Variants in SOX11 observed in about 807,000 individuals in gnomAD.
SOX11 encodes the protein SRY-box transcription factor 11.
Under a neutral mutation model 16.7 loss-of-function variants are expected in SOX11, and 5 were observed. That is an observed-to-expected ratio of 0.30 (90% confidence interval 0.16 to 0.63). The LOEUF (loss-of-function observed/expected upper bound fraction) is 0.63, where lower values mean the gene tolerates loss of function less well. Among genes scored for constraint, SOX11 ranks in the 20% least tolerant of loss-of-function variants. The pLI is 0.82. For missense variants in SOX11, 492 were observed against 641.5 expected (o/e 0.77, Z 2.52); for synonymous variants, 363 against 298.8 (o/e 1.21, Z -2.22).
In SOX11 at chr2:5,695,743, G is replaced by A. The variant is rs578256456; in HGVS notation, c.*1696G>A. 3 of 167,384 alleles carry A rather than the reference G, an allele frequency of 1.8e-5. No homozygotes were observed. In the East Asian group the frequency reaches 5.8e-4, roughly 32 times the overall value. 10.4% of individuals were successfully genotyped at this position (167,384 alleles called of 1,614,324 possible). The stretch of plus-strand genomic sequence containing the variant: ...GTGCGCGGATGAGGGGAGGTGGCAG[G>A]AGAGAATTCTACATTTAGGGGGTTA... On this transcript the variant is annotated 3_prime_UTR_variant, in exon 1 of 1. Coordinates refer to ENST00000322002, the MANE Select transcript of SOX11 (RefSeq NM_003108.4).
rs114941072 is a variant in SOX11, at chr2:5,694,400, A to G, written c.*353A>G. On this transcript the variant is annotated 3_prime_UTR_variant, in exon 1 of 1. Coordinates refer to ENST00000322002, the MANE Select transcript of SOX11 (RefSeq NM_003108.4). Reference sequence around the variant, plus strand: ...TTTTCCCAAAAAATGTGTTTTTGTAATTACTATTTCTTTTTCCTGAAATTC... The same window carrying G: ...TTTTCCCAAAAAATGTGTTTTTGTAGTTACTATTTCTTTTTCCTGAAATTC... 6,823 of 184,976 alleles carry G rather than the reference A, an allele frequency of 0.037. 153 individuals are homozygous for G. The highest frequency in any genetic ancestry group is 0.045 in the Middle Eastern group (16 of 356). The allele number at this position is 184,976 out of a possible 1,614,324, so 11.5% of individuals were successfully genotyped here.
chr2:5,695,414 T>C lies in SOX11; in HGVS notation c.*1367T>C, dbSNP rs1462892645. ...AGATGGAAGGTTTGAAACTGGATTC[T>C]CGATTTTTAGCAAAAAAGAAAAAAA... On this transcript the variant is annotated 3_prime_UTR_variant, in exon 1 of 1. Transcript: ENST00000322002. The C allele has an allele frequency of 6.1e-6, 1 of 163,778 alleles. No homozygotes were observed. The highest frequency in any genetic ancestry group is 1.5e-5 in the Non-Finnish European group (1 of 67,706). The allele number at this position is 163,778 out of a possible 1,614,324, so 10.1% of individuals were successfully genotyped here.
rs1251597664 is a variant in SOX11 at position 5,693,151 on chromosome 2, G to C, written c.430G>C (p.Gly144Arg). 1 of 1,546,678 alleles carries C rather than the reference G, an allele frequency of 6.5e-7. No individual in the cohort carries two copies. The change falls in exon 1 of 1, where the codon GGC (glycine) becomes CGC (arginine). Residue 144 changes from glycine to arginine, a missense_variant. By Grantham distance (125) the Gly-to-Arg change is moderately radical. Coordinates refer to ENST00000322002, the MANE Select transcript of SOX11 (RefSeq NM_003108.4). This position sits in a 1 kb window ranked among gnomAD's most constrained non-coding sequence, Gnocchi z 8.6. ...ASQSPEKSAAGGGGGSAGGGA... is the reference protein window; with the variant it reads ...ASQSPEKSAARGGGGSAGGGA... The stretch of plus-strand genomic sequence containing the variant: ...CCAGAGCCCAGAGAAGAGCGCGGCC[G>C]GCGGCGGCGGCGGGAGCGCGGGCGG...
rs1360990236 is a variant in SOX11 at position 5,692,488 on chromosome 2, C to A, written c.-234C>A. Among the ~76,000 whole-genome samples, 1 of 151,648 alleles carries A rather than the reference C, an allele frequency of 6.6e-6. No individual in the cohort carries two copies. The highest frequency in any genetic ancestry group is 2.4e-5 in the African/African-American group (1 of 41,292). ...GGGCTGCCTCGACCGCCGTCGCCAC[C>A]GCCTCTCCTGTCGCGACCGCAGCTC... On this transcript the variant is annotated 5_prime_UTR_variant, in exon 1 of 1. Coordinates refer to ENST00000322002, the MANE Select transcript of SOX11 (RefSeq NM_003108.4).
At position 5,693,684 on chromosome 2, in the gene SOX11, G is replaced by A. The variant is rs758358128; in HGVS notation, c.963G>A (p.Gln321=). 6.3e-7 allele frequency: 1 copy of A among 1,598,762 alleles called. No individual in the cohort carries two copies. Among genetic ancestry groups the A allele is most frequent in the East Asian group, 2.2e-5 (1 of 44,676 alleles). Residue 321 remains glutamine (Q), a synonymous_variant, in exon 1 of 1, where the codon CAG becomes CAA. Coordinates refer to ENST00000322002, the MANE Select transcript of SOX11 (RefSeq NM_003108.4). The surrounding 1 kb of genome is among the most constrained non-coding windows in gnomAD (Gnocchi z 8.6). Reference sequence around the variant, plus strand: ...ACAGCTTCAAGAACATCACCAAGCAGCACCCGCCGCCGCTCGCGCAGCCCG... The same window carrying A: ...ACAGCTTCAAGAACATCACCAAGCAACACCCGCCGCCGCTCGCGCAGCCCG... ...LYYSFKNITK[Q]HPPPLAQPAL... is the part of the protein sequence containing the mutation.
At position 5,693,307 on chromosome 2, in the gene SOX11, G is replaced by T. The variant is rs776676775; in HGVS notation, c.586G>T (p.Asp196Tyr). The T allele has an allele frequency of 5.8e-6, 9 of 1,559,514 alleles. No homozygotes were observed. Among genetic ancestry groups the T allele is most frequent in the Non-Finnish European group, 7.7e-6 (9 of 1,161,622 alleles). ...GTCCGGGGACTACGGGGGCGCGGGC[G>T]ACGACTACGTGCTGGGCAGCCTGCG... ...AQSGDYGGAGDDYVLGSLRVS... is the reference protein window; with the variant it reads ...AQSGDYGGAGYDYVLGSLRVS... The change falls in exon 1 of 1, where the codon GAC becomes TAC. Residue 196 changes from aspartate to tyrosine, a missense_variant. This residue lies in a region of SOX11 where 389 missense variants were observed against 389.0 expected (regional missense o/e 1.00). Transcript: ENST00000322002. The surrounding 1 kb of genome is among the most constrained non-coding windows in gnomAD (Gnocchi z 8.6).
chr2:5,693,696 G>T lies in SOX11; in HGVS notation c.975G>T (p.Pro325=), dbSNP rs751420096. 8.1e-6 allele frequency: 13 copies of T among 1,599,454 alleles called. No individual in the cohort carries two copies. The highest frequency in any genetic ancestry group is 1.0e-5 in the Non-Finnish European group (12 of 1,177,690). Residue 325 remains proline, a synonymous_variant, in exon 1 of 1, where the codon CCG becomes CCT. Coordinates refer to ENST00000322002, the MANE Select transcript of SOX11 (RefSeq NM_003108.4). This position sits in a 1 kb window ranked among gnomAD's most constrained non-coding sequence, Gnocchi z 8.6. ...FKNITKQHPP[P]LAQPALSPAS... ...ACATCACCAAGCAGCACCCGCCGCCGCTCGCGCAGCCCGCGCTGTCGCCCG... is the reference window on the plus strand; with the variant it reads ...ACATCACCAAGCAGCACCCGCCGCCTCTCGCGCAGCCCGCGCTGTCGCCCG...
rs1208248317 is a variant in SOX11, at chr2:5,693,278, C to G, written c.557C>G (p.Ala186Gly). Residue 186 changes from alanine to glycine, a missense_variant, in exon 1 of 1, where the codon GCC becomes GGC. This residue lies in a region of SOX11 where 389 missense variants were observed against 389.0 expected (regional missense o/e 1.00). Transcript: ENST00000322002. This position sits in a 1 kb window ranked among gnomAD's most constrained non-coding sequence, Gnocchi z 8.6. ...GCCAAGGCGGGCGCGGGCAAGGCGG[C>G]CCAGTCCGGGGACTACGGGGGCGCG... is the stretch of plus-strand genomic sequence containing the variant. ...AGAKAGAGKA[A>G]QSGDYGGAGD... 3 of 1,449,498 alleles carry G rather than the reference C, an allele frequency of 2.1e-6. No individual in the cohort carries two copies. The highest frequency in any genetic ancestry group is 1.4e-5 in the South Asian group (1 of 69,724). The allele number at this position is 1,449,498 out of a possible 1,614,324, so 89.8% of individuals were successfully genotyped here.
In SOX11 at chr2:5,693,344, C is replaced by G; in HGVS notation, c.623C>G (p.Ser208Trp). The G allele has an allele frequency of 6.3e-7, 1 of 1,588,378 alleles. No individual in the cohort carries two copies. Among genetic ancestry groups the G allele is most frequent in the South Asian group, 1.1e-5 (1 of 90,166 alleles). The change falls in exon 1 of 1, where the codon TCG (serine) becomes TGG (tryptophan). Residue 208 changes from serine to tryptophan, a missense_variant. This residue lies in a region of SOX11 where 389 missense variants were observed against 389.0 expected (regional missense o/e 1.00). Coordinates refer to ENST00000322002, the MANE Select transcript of SOX11 (RefSeq NM_003108.4). This position sits in a 1 kb window ranked among gnomAD's most constrained non-coding sequence, Gnocchi z 8.6. Reference sequence around the variant, plus strand: ...CTGGGCAGCCTGCGCGTGAGCGGCTCGGGCGGCGGCGGCGCGGGCAAGACG... The same window carrying G: ...CTGGGCAGCCTGCGCGTGAGCGGCTGGGGCGGCGGCGGCGCGGGCAAGACG... Reference protein sequence around the residue: ...YVLGSLRVSGSGGGGAGKTVK... With the variant: ...YVLGSLRVSGWGGGGAGKTVK...
chr2:5,693,945 C>A lies in SOX11; in HGVS notation c.1224C>A (p.Gly408=). The part of the protein sequence containing the change: ...DLDSFSEGSL[G]SHFEFPDYCT... ...ATTCGTTCAGCGAGGGCAGCCTGGG[C>A]TCCCACTTCGAGTTCCCCGACTACT... Residue 408 remains glycine (G), a synonymous_variant, in exon 1 of 1, where the codon GGC becomes GGA. Transcript: ENST00000322002. The surrounding 1 kb of genome is among the most constrained non-coding windows in gnomAD (Gnocchi z 8.6). 1 of 1,551,588 alleles carries A rather than the reference C, an allele frequency of 6.4e-7. No individual in the cohort carries two copies. The highest frequency in any genetic ancestry group is 8.7e-7 in the Non-Finnish European group (1 of 1,147,010).
rs1052028230 is a variant in SOX11, at chr2:5,693,498, G to A, written c.777G>A (p.Pro259=). 2.5e-6 allele frequency: 4 copies of A among 1,580,066 alleles called. No homozygotes were observed. The highest frequency in any genetic ancestry group is 2.6e-6 in the Non-Finnish European group (3 of 1,170,836). Residue 259 remains proline, a synonymous_variant, in exon 1 of 1, where the codon CCG becomes CCA. Transcript: ENST00000322002. This position sits in a 1 kb window ranked among gnomAD's most constrained non-coding sequence, Gnocchi z 8.6. ...EPPHQQLLQP[P]GQQPSQLLRR... Reference sequence around the variant, plus strand: ...CGCACCAGCAGCTCCTGCAGCCGCCGGGGCAGCAGCCGTCGCAGCTGCTGA... The same window carrying A: ...CGCACCAGCAGCTCCTGCAGCCGCCAGGGCAGCAGCCGTCGCAGCTGCTGA...
chr2:5,692,601 C>T lies in SOX11; in HGVS notation c.-121C>T. 2.8e-6 allele frequency: 2 copies of T among 718,190 alleles called. No individual in the cohort carries two copies. The highest frequency in any genetic ancestry group is 4.3e-6 in the Non-Finnish European group (2 of 466,784). 44.5% of individuals were successfully genotyped at this position (718,190 alleles called of 1,614,324 possible). On this transcript the variant is annotated 5_prime_UTR_variant, in exon 1 of 1. Transcript: ENST00000322002. ...GGGGCGGGGGGGAGGGGGGGAGCCG[C>T]GAAAGCGGGGTGCCGAGGACTTTGC...
At position 5,693,033 on chromosome 2, in the gene SOX11, G is replaced by A. The variant is rs1441780734; in HGVS notation, c.312G>A (p.Arg104=). 6.2e-7 allele frequency: 1 copy of A among 1,614,136 alleles called. No homozygotes were observed. Among genetic ancestry groups the A allele is most frequent in the East Asian group, 2.2e-5 (1 of 44,862 alleles). The change falls in exon 1 of 1, where the codon CGG becomes CGA. Residue 104 remains arginine, a synonymous_variant. Coordinates refer to ENST00000322002, the MANE Select transcript of SOX11 (RefSeq NM_003108.4). The surrounding 1 kb of genome is among the most constrained non-coding windows in gnomAD (Gnocchi z 8.6). The stretch of plus-strand genomic sequence containing the variant: ...TCCCGTTCATCCGGGAGGCGGAGCG[G>A]CTGCGGCTCAAGCACATGGCCGACT... ...EKIPFIREAE[R]LRLKHMADYP... is the part of the protein sequence containing the mutation.
Position 5,693,721 on chromosome 2 carries a change from G to T in SOX11, c.1000G>T (p.Ala334Ser), listed in dbSNP as rs1665680166. The T allele has an allele frequency of 1.3e-6, 2 of 1,597,230 alleles. No homozygotes were observed. Among genetic ancestry groups the T allele is most frequent in the South Asian group, 2.2e-5 (2 of 89,858 alleles). Residue 334 changes from alanine (A) to serine (S), a missense_variant, in exon 1 of 1, where the codon GCG becomes TCG. This residue lies in a region of SOX11 where 389 missense variants were observed against 389.0 expected (regional missense o/e 1.00). Transcript: ENST00000322002. The surrounding 1 kb of genome is among the most constrained non-coding windows in gnomAD (Gnocchi z 8.6). ...PPLAQPALSP[A>S]SSRSVSTSSS... ...GCTCGCGCAGCCCGCGCTGTCGCCC[G>T]CGTCCTCGCGCTCGGTGTCCACCTC...
rs77558140 is a variant in SOX11, at chr2:5,694,915, T to C, written c.*868T>C. The C allele has an allele frequency of 0.014, 2,356 of 166,826 alleles. 24 individuals carry two copies. Among genetic ancestry groups the C allele is most frequent in the Non-Finnish European group, 0.018 (1,236 of 68,048 alleles). 10.3% of individuals were successfully genotyped at this position (166,826 alleles called of 1,614,324 possible). ...AACTTGTTCCCTTATACCTCCTTGA[T>C]TGAATACCAGACAGCCTAGACCTCA... On this transcript the variant is annotated 3_prime_UTR_variant, in exon 1 of 1. Coordinates refer to ENST00000322002, the MANE Select transcript of SOX11 (RefSeq NM_003108.4).
Position 5,692,801 on chromosome 2 carries a change from T to C in SOX11, c.80T>C (p.Met27Thr), listed in dbSNP as rs1481974602. Reference protein sequence around the residue: ...EALDTEEGEFMACSPVALDES... With the variant: ...EALDTEEGEFTACSPVALDES... ...CTGGACACGGAGGAGGGCGAATTCA[T>C]GGCTTGCAGCCCGGTGGCCCTGGAC... is the stretch of plus-strand genomic sequence containing the variant. The change falls in exon 1 of 1, where the codon ATG becomes ACG. Residue 27 changes from methionine to threonine, a missense_variant. Met to Thr is a moderately conservative substitution (Grantham distance 81, BLOSUM62 -1). Around this residue, in one of 4 missense-constraint regions of SOX11, gnomAD observed 44 missense variants for 48.5 expected, o/e 0.91. Transcript: ENST00000322002. 1 of 1,612,620 alleles carries C rather than the reference T, an allele frequency of 6.2e-7. No homozygotes were observed. Among genetic ancestry groups the C allele is most frequent in the Non-Finnish European group, 8.5e-7 (1 of 1,179,274 alleles).
chr2:5,695,968 C>G lies in SOX11; in HGVS notation c.*1921C>G, dbSNP rs1665720630. The G allele has an allele frequency of 6.0e-6, 1 of 167,250 alleles. No homozygotes were observed. The highest frequency in any genetic ancestry group is 2.4e-5 in the African/African-American group (1 of 41,464). The allele number at this position is 167,250 out of a possible 1,614,324, so 10.4% of individuals were successfully genotyped here. On this transcript the variant is annotated 3_prime_UTR_variant, in exon 1 of 1. Transcript: ENST00000322002. ...GGCTGCGCGGAGGCTCGGGAGCTGG[C>G]CGGGGAGGGGCGGATGGAGGGGCCT... is the stretch of plus-strand genomic sequence containing the variant.
chr2:5,700,180 A>G lies in SOX11; in HGVS notation c.*6133A>G, dbSNP rs1275870979. ...GTTGAGATGTGGTTTCCAATGAGCA[A>G]TTGGTGAATTTAAGCAACCTGGATG... is the stretch of plus-strand genomic sequence containing the variant. On this transcript the variant is annotated 3_prime_UTR_variant, in exon 1 of 1. Transcript: ENST00000322002. The G allele has an allele frequency of 6.0e-6, 1 of 167,072 alleles. No homozygotes were observed. The highest frequency in any genetic ancestry group is 1.9e-4 in the East Asian group (1 of 5,200). 10.3% of individuals were successfully genotyped at this position (167,072 alleles called of 1,614,324 possible).
Position 5,692,919 on chromosome 2 carries a change from G to T in SOX11, c.198G>T (p.Lys66Asn). 1 of 1,614,130 alleles carries T rather than the reference G, an allele frequency of 6.2e-7. No homozygotes were observed. ...FMVWSKIERR[K>N]IMEQSPDMHN... is the part of the protein sequence containing the mutation. ...TATGGTCCAAGATCGAACGCAGGAA[G>T]ATCATGGAGCAGTCTCCGGACATGC... Residue 66 changes from lysine to asparagine, a missense_variant, in exon 1 of 1, where the codon AAG (lysine) becomes AAT (asparagine). Lys to Asn is a moderately conservative substitution (Grantham distance 94). Coordinates refer to ENST00000322002, the MANE Select transcript of SOX11 (RefSeq NM_003108.4).
Sources: gnomAD v4.1 joint callset for allele counts (sites outside exome capture counted in the v4.1 genomes callset) on GRCh38, gnomAD v4.1.1 for gene constraint, gnomAD v4.1.1 regional missense constraint, Gnocchi (gnomAD v3.1) non-coding constraint, MANE v1.5 for transcripts, NCBI Gene and HGNC (gene_info 2026-07-23, HGNC 2026-07-21) for gene names.